CACNA2D3: variants seen among roughly 807,000 people sequenced by gnomAD.
CACNA2D3 encodes the protein voltage-dependent calcium channel subunit alpha-2/delta-3.
In CACNA2D3, 60 loss-of-function variants were observed where a neutral mutation model predicts 160.6. The ratio of observed to expected loss-of-function variants is 0.37; its 90% CI spans 0.30 to 0.46. The LOEUF is 0.46. CACNA2D3 is among the 20% of genes least tolerant of loss of function. CACNA2D3 has a pLI of 1.00. For missense variants in CACNA2D3, 1,205 were observed against 1,365.0 expected, an observed-to-expected ratio of 0.88 and a Z score of 1.85; for synonymous variants, 558 against 492.9, an observed-to-expected ratio of 1.13 and a Z score of -1.75.
intron 2 of CACNA2D3, among the ~76,000 whole-genome samples, chr3:54,169,828 G>A (rs1020226983): frequency 5.9e-5 from 9 of 151,968 alleles, no homozygotes; most frequent in African/African-American, 1.2e-4. Flanking sequence ...GAGAAGAAAG[G>A]CCTCTCTCTG....
In CACNA2D3 at chr3:54,300,831, A is replaced by G. The variant is rs549668167; in HGVS notation, c.205-19611A>G. The stretch of plus-strand genomic sequence containing the variant: ...CACGTTCAAGACCAGCCTGGGCAAC[A>G]AAGCGAGACTCCATTTCTACCAAAA... On this transcript the variant is annotated intron_variant, in intron 2 of 37. Coordinates refer to ENST00000474759, the MANE Select transcript of CACNA2D3 (RefSeq NM_018398.3). Among the ~76,000 whole-genome samples, 32 of 152,238 alleles carry G rather than the reference A, an allele frequency of 2.1e-4. 1 individual carries two copies. The highest frequency in any genetic ancestry group is 6.8e-3 in the Middle Eastern group (2 of 294).
At chr3:55,073,917 A>C in intron 37 of CACNA2D3, 58 bp downstream of exon 37, 21 of 1,399,456 alleles carry the variant, frequency 1.5e-5, no homozygotes, top group South Asian at 2.4e-5. Flanking sequence ...CGAGAGTCTC[A>C]CACTGGTCAA....
Position 54,896,794 on chromosome 3 carries a change from C to T in CACNA2D3, c.2292C>T (p.Asp764=), listed in dbSNP as rs774431463. ...ACAAGGAGAACATTTTTAACGCAGACCATTTCCCTCTCTGGTACCGAAGAG... is the reference window on the plus strand; with the variant it reads ...ACAAGGAGAACATTTTTAACGCAGATCATTTCCCTCTCTGGTACCGAAGAG... ...AGDKENIFNA[D]HFPLWYRRAA... Residue 764 remains aspartate (D), a synonymous_variant, in exon 26 of 38, where the codon GAC becomes GAT. Transcript: ENST00000474759. 81 of 1,613,908 alleles carry T rather than the reference C, an allele frequency of 5.0e-5. No homozygotes were observed. In the South Asian group the frequency reaches 6.4e-4, roughly 13 times the overall value.
At chr3:54,515,441 A>C (rs773327782) in intron 5 of CACNA2D3, among the ~76,000 whole-genome samples, 16 of 152,196 alleles carry the variant, frequency 1.1e-4, no homozygotes, top group Admixed American at 2.6e-4. Flanking sequence ...GAACACAGCT[A>C]TCTGATAAAA....
intron 3 of CACNA2D3, among the ~76,000 whole-genome samples, chr3:54,340,047 A>G (rs1002874084): frequency 6.6e-6 from 1 of 152,232 alleles, no homozygotes; most frequent in Non-Finnish European, 1.5e-5. Context: ...ATGACAAAGG[A>G]CAAAGAAACG....
intron 3 of CACNA2D3, among the ~76,000 whole-genome samples, chr3:54,378,759 C>G (rs1471181805): frequency 6.6e-6 from 1 of 152,234 alleles, no homozygotes; most frequent in African/African-American, 2.4e-5. Flanking sequence ...AAGGTTGTCT[C>G]TTCTTCATAC....
intron 17 of CACNA2D3, among the ~76,000 whole-genome samples, chr3:54,864,505 C>CCGCCTCAGCCTCCGAAAG (rs1416086859): frequency 6.6e-6 from 1 of 152,114 alleles, no homozygotes; most frequent in East Asian, 1.9e-4. Context: ...AACTCCAGAC[C>CCGCCTCAGCCTCCGAAAG]TGCCTCAGCC....
chr3:54,595,327 T>G (rs78474193), intron 9 of CACNA2D3, among the ~76,000 whole-genome samples: 4,182 of 144,608 alleles, frequency 0.029, 153 homozygotes, highest in East Asian at 0.19. Flanking sequence ...TGTGTGTGTG[T>G]GTGTGTGTGT....
chr3:54,435,571 C>G (rs1166519964), intron 4 of CACNA2D3, among the ~76,000 whole-genome samples: 1 of 152,146 alleles, frequency 6.6e-6, no homozygotes, highest in Non-Finnish European at 1.5e-5. Context: ...CTAACGTACA[C>G]TCCCACCCAG....
chr3:54,196,362 G>A (rs1434192118), intron 2 of CACNA2D3, among the ~76,000 whole-genome samples: 1 of 152,138 alleles, frequency 6.6e-6, no homozygotes, highest in African/African-American at 2.4e-5. Flanking sequence ...TACAAAATAA[G>A]GCCTCTTAAG....
At chr3:54,279,783 G>A (rs554369747) in intron 2 of CACNA2D3, among the ~76,000 whole-genome samples, 1 of 152,290 alleles carries the variant, frequency 6.6e-6, no homozygotes, top group South Asian at 2.1e-4. Context: ...GGAGGGCCTT[G>A]TCTTGAGGGT....
At chr3:54,641,444 A>T (rs1203208146) in intron 10 of CACNA2D3, among the ~76,000 whole-genome samples, 1 of 152,198 alleles carries the variant, frequency 6.6e-6, no homozygotes, top group Admixed American at 6.5e-5. Context: ...TCTAAGTGGC[A>T]GGCTTCAGAG....
chr3:54,596,888 C>T (rs1169840258), intron 9 of CACNA2D3, among the ~76,000 whole-genome samples: 1 of 152,100 alleles, frequency 6.6e-6, no homozygotes, highest in Admixed American at 6.5e-5. Flanking sequence ...GAAATCTTCC[C>T]TTCCCACCTA....
intron 3 of CACNA2D3, among the ~76,000 whole-genome samples, chr3:54,322,833 G>A (rs996774651): frequency 2.6e-5 from 4 of 151,874 alleles, no homozygotes; most frequent in African/African-American, 7.3e-5. Context: ...AAAAAAAGAC[G>A]ATTTGGTATG....
intron 4 of CACNA2D3, among the ~76,000 whole-genome samples, chr3:54,474,855 AG>A (rs766279497): frequency 3.3e-5 from 5 of 152,156 alleles, no homozygotes; most frequent in Non-Finnish European, 5.9e-5. Context: ...CACAATGCTG[AG>A]TTTTAATATC....
intron 11 of CACNA2D3, among the ~76,000 whole-genome samples, chr3:54,744,701 T>C (rs997808028): frequency 2.0e-5 from 3 of 152,194 alleles, no homozygotes; most frequent in Non-Finnish European, 4.4e-5. Context: ...GAGGGAAGTA[T>C]CTATGGATGG....
At chr3:54,393,348 T>C (rs1260991946) in intron 4 of CACNA2D3, among the ~76,000 whole-genome samples, 1 of 152,210 alleles carries the variant, frequency 6.6e-6, no homozygotes, top group African/African-American at 2.4e-5. Context: ...CACTGTGTCC[T>C]GTCCCCTGTG....
At chr3:54,795,495 T>A (rs1251152140) in intron 13 of CACNA2D3, among the ~76,000 whole-genome samples, 2 of 152,170 alleles carry the variant, frequency 1.3e-5, no homozygotes, top group Non-Finnish European at 2.9e-5. Context: ...TGTTTCTGAG[T>A]GTCTGGATTT....
chr3:54,296,496 T>G (rs1377235886), intron 2 of CACNA2D3, among the ~76,000 whole-genome samples: 1 of 151,994 alleles, frequency 6.6e-6, no homozygotes, highest in Non-Finnish European at 1.5e-5. Context: ...GGATAACATT[T>G]GTCTTTATTT....
Sources: gnomAD v4.1 joint callset for allele counts (sites outside exome capture counted in the v4.1 genomes callset) on GRCh38, gnomAD v4.1.1 for gene constraint, MANE v1.5 for transcripts, NCBI Gene and HGNC (gene_info 2026-07-23, HGNC 2026-07-21) for gene names.